PKP4: variants seen among roughly 807,000 people sequenced by gnomAD.
The protein encoded by PKP4 is plakophilin-4.
PKP4 carries 90 observed loss-of-function variants against 145.1 expected under a neutral mutation model. The ratio of observed to expected loss-of-function variants is 0.62; its 90% confidence interval spans 0.52 to 0.74. The LOEUF (loss-of-function observed/expected upper bound fraction) is 0.74, where lower values mean the gene tolerates loss of function less well. Ranked by LOEUF, PKP4 falls within the 30% of genes least tolerant of loss-of-function variation. The pLI is 0.00. For missense variants in PKP4, 1,340 were observed against 1,482.7 expected (o/e 0.90, Z 1.58); for synonymous variants, 563 against 577.2 (o/e 0.98, Z 0.35).
At chr2:158,607,948 T>A (rs563504216) in intron 4 of PKP4, among the ~76,000 whole-genome samples, 8 of 152,214 alleles carry the variant, frequency 5.3e-5, no homozygotes, top group Non-Finnish European at 1.0e-4. Context: ...GTAACAAATA[T>A]AAGAGTACAA....
intron 8 of PKP4, among the ~76,000 whole-genome samples, chr2:158,633,473 A>G (rs2053560698): frequency 6.6e-6 from 1 of 152,256 alleles, no homozygotes; most frequent in African/African-American, 2.4e-5. Flanking sequence ...TCCCAGTGGG[A>G]TCACAGCTGA....
At chr2:158,634,413 T>C in intron 9 of PKP4, 124 bp downstream of exon 9, 1 of 640,008 alleles carries the variant, frequency 1.6e-6, no homozygotes. Context: ...TAATTCCATA[T>C]ATATTAATAC....
At chr2:158,577,526 TA>T in intron 3 of PKP4, 143 bp downstream of exon 3, 1 of 611,258 alleles carries the variant, frequency 1.6e-6, no homozygotes, top group Non-Finnish European at 2.9e-6. Flanking sequence ...CCATTTATTC[TA>T]ATTTTGAGAA....
intron 2 of PKP4, among the ~76,000 whole-genome samples, chr2:158,574,519 A>G (rs3821291): frequency 0.52 from 78,473 of 152,060 alleles, 20,616 homozygotes; most frequent in South Asian, 0.69. Flanking sequence ...AGAGGCCAGT[A>G]GAGACTGAAT....
rs569389789 is a variant in PKP4 at position 158,508,529 on chromosome 2, A to G, written c.-5-24651A>G. The stretch of plus-strand genomic sequence containing the variant: ...GTAGAAAATTGATACCAAGAAACCC[A>G]GCTGTTCCTAGAGTACTAGTAGTAA... On this transcript the variant is annotated intron_variant, in intron 1 of 21. Coordinates refer to ENST00000389759, the MANE Select transcript of PKP4 (RefSeq NM_003628.6). 2.2e-4 allele frequency among the ~76,000 whole-genome samples: 33 copies of G among 152,340 alleles called. No individual in the cohort carries two copies. The South Asian group carries it at 6.2e-3, about 29-fold the overall frequency.
At chr2:158,535,864 A>G (rs1020934624) in intron 2 of PKP4, among the ~76,000 whole-genome samples, 12 of 152,332 alleles carry the variant, frequency 7.9e-5, no homozygotes, top group East Asian at 1.9e-4. Context: ...GACCCTATCA[A>G]TGCAACTGGG....
intron 1 of PKP4, among the ~76,000 whole-genome samples, chr2:158,530,120 C>A (rs1057432452): frequency 1.3e-5 from 2 of 152,170 alleles, no homozygotes; most frequent in African/African-American, 4.8e-5. Context: ...TTGGGCAACA[C>A]TGCATTTCCA....
intron 1 of PKP4, among the ~76,000 whole-genome samples, chr2:158,509,138 C>T (rs966489823): frequency 1.1e-4 from 16 of 151,494 alleles, no homozygotes; most frequent in African/African-American, 3.9e-4. Flanking sequence ...ATATTTTAAA[C>T]TGAGAATACT....
intron 1 of PKP4, chr2:158,458,323 C>G (rs80325738): frequency 0.063 from 9,660 of 152,520 alleles, 418 homozygotes; most frequent in South Asian, 0.11. Context: ...CCTCATTCCA[C>G]TCCTCTCCTC....
intron 7 of PKP4, among the ~76,000 whole-genome samples, chr2:158,630,166 A>G (rs2053223784): frequency 6.6e-6 from 1 of 152,194 alleles, no homozygotes; most frequent in Admixed American, 6.5e-5. Flanking sequence ...ATATTTTTAC[A>G]AGTGACAGAT....
At chr2:158,582,859 A>G (rs1420908767) in intron 3 of PKP4, among the ~76,000 whole-genome samples, 1 of 152,186 alleles carries the variant, frequency 6.6e-6, no homozygotes, top group Non-Finnish European at 1.5e-5. Flanking sequence ...TACTTAGCAT[A>G]TGTAGATGGA....
chr2:158,566,447 G>C (rs1211960173), intron 2 of PKP4, among the ~76,000 whole-genome samples: 1 of 149,756 alleles, frequency 6.7e-6, no homozygotes, highest in Admixed American at 6.6e-5. Flanking sequence ...CTAACATTAG[G>C]TGATATGCAT....
At chr2:158,528,652 AAAG>A (rs1353822135) in intron 1 of PKP4, among the ~76,000 whole-genome samples, 3 of 137,264 alleles carry the variant, frequency 2.2e-5, no homozygotes, top group African/African-American at 5.4e-5. Context: ...AAAAAAAAGA[AAAG>A]AAACTTACTA....
In PKP4 at chr2:158,577,305, A is replaced by T; in HGVS notation, c.167A>T (p.Glu56Val). 4 of 1,613,526 alleles carry T rather than the reference A, an allele frequency of 2.5e-6. No individual in the cohort carries two copies. Among genetic ancestry groups the T allele is most frequent in the Non-Finnish European group, 3.4e-6 (4 of 1,179,824 alleles). Residue 56 changes from glutamate to valine, a missense_variant, in exon 3 of 22, where the codon GAA (glutamate) becomes GTA (valine). Transcript: ENST00000389759. ...TTTCAGCGACTCACCCGAGAACTGG[A>T]AGTGGAAAGGCAGATTGTTGCCAGT... Reference protein sequence around the residue: ...LQFQRLTRELEVERQIVASQL... With the variant: ...LQFQRLTRELVVERQIVASQL...
chr2:158,505,676 G>A (rs1027797087), intron 1 of PKP4, among the ~76,000 whole-genome samples: 2 of 152,076 alleles, frequency 1.3e-5, no homozygotes, highest in Non-Finnish European at 2.9e-5. Flanking sequence ...TTTTGGAGTG[G>A]CAGGGAAGGG....
rs753060659 is a variant in PKP4, at chr2:158,658,230, G to A, written c.2009G>A (p.Gly670Glu). Residue 670 changes from glycine to glutamate, a missense_variant, in exon 12 of 22, where the codon GGA (glycine) becomes GAA (glutamate). By Grantham distance (98) the Gly-to-Glu change is moderately conservative. Transcript: ENST00000389759. ...AACACTGTGATTGTTCCACATTCTG[G>A]ATGGAATAACTCTTCTTTTGATGAT... ...LTNTVIVPHSGWNNSSFDDDH... is the reference protein window; with the variant it reads ...LTNTVIVPHSEWNNSSFDDDH... 7 of 1,600,210 alleles carry A rather than the reference G, an allele frequency of 4.4e-6. No homozygotes were observed. The highest frequency in any genetic ancestry group is 6.0e-6 in the Non-Finnish European group (7 of 1,167,794).
At chr2:158,579,953 A>G (rs528313776) in intron 3 of PKP4, among the ~76,000 whole-genome samples, 123 of 152,224 alleles carry the variant, frequency 8.1e-4, no homozygotes, top group South Asian at 3.1e-3. Context: ...GTAAAATTAT[A>G]AAATATTTTG....
At chr2:158,640,555 T>C in intron 9 of PKP4, 72 bp from the exon 10 acceptor site, 1 of 1,529,268 alleles carries the variant, frequency 6.5e-7, no homozygotes, top group Non-Finnish European at 8.9e-7. Context: ...TTTTTCCTTA[T>C]ACCAAGTGTT....
chr2:158,528,997 T>G (rs2043254913), intron 1 of PKP4, among the ~76,000 whole-genome samples: 1 of 152,180 alleles, frequency 6.6e-6, no homozygotes, highest in Non-Finnish European at 1.5e-5. Context: ...GGCCTCAAGA[T>G]TTAGAGTTTC....
Sources: gnomAD v4.1 joint callset for allele counts (sites outside exome capture counted in the v4.1 genomes callset) on GRCh38, gnomAD v4.1.1 for gene constraint, MANE v1.5 for transcripts, NCBI Gene and HGNC (gene_info 2026-07-23, HGNC 2026-07-21) for gene names.